LRRC7: variants seen among roughly 807,000 people sequenced by gnomAD.
The protein encoded by LRRC7 is leucine rich repeat containing 7, also known as leucine-rich repeat-containing protein 7.
A neutral mutation model predicts 175.7 loss-of-function variants in LRRC7; 23 were observed. The observed-to-expected ratio is 0.13, with a 90% CI of 0.09 to 0.19. LRRC7 has a LOEUF of 0.19. Ranked by LOEUF, LRRC7 falls within the 10% of genes least tolerant of loss-of-function variation. LRRC7 has a pLI of 1.00. For missense variants in LRRC7, 1,354 were observed against 1,904.7 expected, an observed-to-expected ratio of 0.71 and a Z score of 5.38; for synonymous variants, 685 against 680.9, an observed-to-expected ratio of 1.01 and a Z score of -0.09.
At chr1:69,725,601 C>T (rs60100210) in intron 2 of LRRC7, among the ~76,000 whole-genome samples, 5,412 of 152,114 alleles carry the variant, frequency 0.036, 310 homozygotes, top group African/African-American at 0.12. Flanking sequence ...TACGAAATGC[C>T]AACATACACT....
chr1:69,900,569 A>G (rs114047220), intron 7 of LRRC7, among the ~76,000 whole-genome samples: 3,558 of 152,288 alleles, frequency 0.023, 137 homozygotes, highest in African/African-American at 0.08. Flanking sequence ...TGTAGCATAC[A>G]ATATTCTTCT....
chr1:70,083,529 C>T (rs1218044608), intron 24 of LRRC7, among the ~76,000 whole-genome samples: 1 of 152,166 alleles, frequency 6.6e-6, no homozygotes, highest in African/African-American at 2.4e-5. Flanking sequence ...ATCCTCATCT[C>T]ATCTGACCTC....
At chr1:69,927,018 C>G (rs1178726868) in intron 7 of LRRC7, among the ~76,000 whole-genome samples, 7 of 152,234 alleles carry the variant, frequency 4.6e-5, no homozygotes, top group African/African-American at 9.6e-5. Context: ...GACAAAATCT[C>G]TCAGCATTTG....
intron 1 of LRRC7, among the ~76,000 whole-genome samples, chr1:69,660,740 T>C (rs1657340870): frequency 6.6e-6 from 1 of 152,056 alleles, no homozygotes; most frequent in Admixed American, 6.6e-5. Context: ...AAGGGAAGGT[T>C]ACAGGCAGCC....
chr1:69,615,896 C>T (rs570292799), intron 1 of LRRC7, among the ~76,000 whole-genome samples: 2 of 152,108 alleles, frequency 1.3e-5, no homozygotes, highest in East Asian at 3.9e-4. Flanking sequence ...GCTAAACCCC[C>T]CACTTACGCC....
intron 22 of LRRC7, among the ~76,000 whole-genome samples, chr1:70,051,137 A>C (rs1233313789): frequency 6.6e-6 from 1 of 152,048 alleles, no homozygotes; most frequent in East Asian, 1.9e-4. Flanking sequence ...TTAACACCAA[A>C]AAGAATTTGT....
intron 1 of LRRC7, among the ~76,000 whole-genome samples, chr1:69,653,951 T>G (rs1213799584): frequency 6.6e-6 from 1 of 151,674 alleles, no homozygotes; most frequent in Non-Finnish European, 1.5e-5. Context: ...TTTCCAGGAG[T>G]TGAGAGGAGG....
chr1:69,722,508 T>C (rs1037974108), intron 2 of LRRC7, among the ~76,000 whole-genome samples: 2 of 152,072 alleles, frequency 1.3e-5, no homozygotes, highest in Admixed American at 1.3e-4. Context: ...GTATCCATAA[T>C]GTAGTGAATA....
chr1:70,098,917 T>C (rs1571321013), intron 25 of LRRC7, among the ~76,000 whole-genome samples: 2 of 152,218 alleles, frequency 1.3e-5, no homozygotes, highest in African/African-American at 4.8e-5. Context: ...TACCATTCCT[T>C]CTGAAACTAT....
chr1:69,813,524 G>GA (rs1351610968), intron 4 of LRRC7, among the ~76,000 whole-genome samples: 1 of 151,982 alleles, frequency 6.6e-6, no homozygotes, highest in Non-Finnish European at 1.5e-5. Flanking sequence ...CTACTCTTCT[G>GA]AAAAAACTAA....
In LRRC7 at chr1:69,835,020, C is replaced by CTT; in HGVS notation, c.590+154_590+155dup. ...AATGAAACGCTGTTAATTAATGAAA[C>CTT]TTTTGCAAAAATATAAAGTAAAATT... On this transcript the variant is annotated intron_variant, in intron 6 of 26. Coordinates refer to ENST00000651989, the MANE Select transcript of LRRC7 (RefSeq NM_001370785.2). The CTT allele has an allele frequency of 5.4e-6, 3 of 552,114 alleles. No individual in the cohort carries two copies. In the South Asian group the frequency reaches 1.0e-4, roughly 19 times the overall value. 34.2% of individuals were successfully genotyped at this position (552,114 alleles called of 1,614,324 possible).
At chr1:69,767,110 A>G (rs990189528) in intron 3 of LRRC7, among the ~76,000 whole-genome samples, 4 of 152,146 alleles carry the variant, frequency 2.6e-5, no homozygotes, top group Non-Finnish European at 5.9e-5. Flanking sequence ...AATTTCATAT[A>G]AACAGAATTA....
intron 8 of LRRC7, among the ~76,000 whole-genome samples, chr1:69,965,797 G>A (rs1651607594): frequency 6.6e-6 from 1 of 152,014 alleles, no homozygotes; most frequent in Admixed American, 6.6e-5. Flanking sequence ...ATTACTATTG[G>A]GAGAATGTAC....
chr1:69,763,219 A>G (rs553748317), intron 3 of LRRC7, among the ~76,000 whole-genome samples: 1 of 152,108 alleles, frequency 6.6e-6, no homozygotes, highest in African/African-American at 2.4e-5. Context: ...CCATCTCAGG[A>G]CAGTAATCAG....
chr1:69,860,732 A>G (rs1684273845), intron 7 of LRRC7, among the ~76,000 whole-genome samples: 1 of 152,218 alleles, frequency 6.6e-6, no homozygotes, highest in South Asian at 2.1e-4. Flanking sequence ...AAGTTTTACA[A>G]GAAAGGCATA....
intron 7 of LRRC7, among the ~76,000 whole-genome samples, chr1:69,912,763 A>C (rs560760672): frequency 5.9e-5 from 9 of 152,338 alleles, no homozygotes; most frequent in African/African-American, 1.9e-4. Flanking sequence ...GAAAGTAATA[A>C]AATTCAGGTT....
chr1:69,881,618 C>T (rs1686607556), intron 7 of LRRC7, among the ~76,000 whole-genome samples: 1 of 151,960 alleles, frequency 6.6e-6, no homozygotes, highest in Admixed American at 6.6e-5. Flanking sequence ...GTGACTCGCA[C>T]CTATAATCTC....
intron 3 of LRRC7, among the ~76,000 whole-genome samples, chr1:69,791,484 A>T (rs1337140469): frequency 6.6e-6 from 1 of 151,938 alleles, no homozygotes; most frequent in Non-Finnish European, 1.5e-5. Flanking sequence ...ATTACGAGTG[A>T]TTTTTTTCAC....
chr1:69,942,333 C>T (rs1304059741), intron 8 of LRRC7, among the ~76,000 whole-genome samples: 2 of 152,086 alleles, frequency 1.3e-5, no homozygotes, highest in Non-Finnish European at 2.9e-5. Context: ...GAAATTGCAA[C>T]AGAGGGGAAG....
Sources: allele counts gnomAD v4.1 joint callset (sites outside exome capture counted in the v4.1 genomes callset), GRCh38; gene constraint gnomAD v4.1.1; transcripts MANE v1.5; gene names NCBI Gene and HGNC (gene_info 2026-07-23, HGNC 2026-07-21).